THRB: variants seen among roughly 807,000 people sequenced by gnomAD.
THRB encodes thyroid hormone receptor beta.
In THRB, 12 loss-of-function variants were observed where a neutral mutation model predicts 47.8. That is an observed-to-expected ratio of 0.25 (90% CI 0.16 to 0.41). THRB has a LOEUF of 0.41. THRB is among the 10% of genes least tolerant of loss of function. The pLI, the probability that THRB is intolerant of heterozygous loss-of-function variation, is 1.00. For synonymous variants in THRB, 218 were observed against 212.2 expected (o/e 1.03, Z -0.24); for missense variants, 348 against 589.2 (o/e 0.59, Z 4.24).
chr3:24,480,700 A>G lies in THRB; in HGVS notation c.-261+13952T>C, dbSNP rs1696227445. 1.3e-5 allele frequency among the ~76,000 whole-genome samples: 2 copies of G among 152,242 alleles called. 1 individual carries two copies. The highest frequency in any genetic ancestry group is 4.8e-5 in the African/African-American group (2 of 41,462). On this transcript the variant is annotated intron_variant, in intron 1 of 10. Transcript: ENST00000646209. ...GGGATTTAAAACCACAAAAGAGCCA[A>G]AATGAAACAGTTATTTCAAAACACT...
rs115829219 is a variant in THRB at position 24,297,018 on chromosome 3, T to C, written c.-43+208A>G. 7.7e-3 allele frequency among the ~76,000 whole-genome samples: 1,177 copies of C among 152,304 alleles called. 12 individuals carry two copies. The highest frequency in any genetic ancestry group is 0.027 in the African/African-American group (1,119 of 41,554). On this transcript the variant is annotated intron_variant, in intron 3 of 10. Transcript: ENST00000646209. ...CCTAGTACTTCTAACCCCATTTAAC[T>C]CTACCCGTATAGTATGAGAAATCAC...
chr3:24,154,507 T>C (rs955429236), intron 5 of THRB, among the ~76,000 whole-genome samples: 2 of 152,170 alleles, frequency 1.3e-5, no homozygotes, highest in Non-Finnish European at 2.9e-5. Flanking sequence ...GGGAAGAACA[T>C]GAAAAGATGC....
chr3:24,349,552 T>C (rs1272034792), intron 1 of THRB, among the ~76,000 whole-genome samples: 2 of 152,074 alleles, frequency 1.3e-5, no homozygotes, highest in African/African-American at 4.8e-5. Context: ...GAAACACATA[T>C]ACCATCATTA....
intron 5 of THRB, chr3:24,165,469 A>G (rs2039521968): frequency 1.6e-6 from 1 of 618,880 alleles, no homozygotes; most frequent in Non-Finnish European, 2.9e-6. Context: ...ACATACATAC[A>G]CATGAAACGC....
chr3:24,408,565 A>G (rs923492649), intron 1 of THRB, among the ~76,000 whole-genome samples: 1 of 151,792 alleles, frequency 6.6e-6, no homozygotes, highest in African/African-American at 2.4e-5. Context: ...ATATTTGGAC[A>G]TTTGTTTCCT....
At chr3:24,332,906 A>C (rs2062015185) in intron 2 of THRB, among the ~76,000 whole-genome samples, 1 of 152,062 alleles carries the variant, frequency 6.6e-6, no homozygotes. Flanking sequence ...AATACAAAAA[A>C]TTAGCCATCT....
chr3:24,276,661 C>T (rs2053944808), intron 3 of THRB, among the ~76,000 whole-genome samples: 1 of 152,150 alleles, frequency 6.6e-6, no homozygotes, highest in Non-Finnish European at 1.5e-5. Flanking sequence ...GGACTAGGTC[C>T]TGAGGATGCA....
rs1345966070 is a variant in THRB at position 24,228,799 on chromosome 3, T to C, written c.22+139A>G. ...TGGAAGTACATTTCTAGGGAGGTAT[T>C]CACAGGATTTAATAACACTTATTGG... On this transcript the variant is annotated intron_variant, in intron 4 of 10. Coordinates refer to ENST00000646209, the MANE Select transcript of THRB (RefSeq NM_001354712.2). The C allele has an allele frequency of 3.9e-6, 3 of 775,166 alleles. No homozygotes were observed. The East Asian group carries it at 7.4e-5, about 19-fold the overall frequency. 48.0% of individuals were successfully genotyped at this position (775,166 alleles called of 1,614,324 possible).
At chr3:24,216,849 TC>T (rs1434464130) in intron 4 of THRB, among the ~76,000 whole-genome samples, 1 of 152,132 alleles carries the variant, frequency 6.6e-6, no homozygotes, top group African/African-American at 2.4e-5. Context: ...TGATTAAACT[TC>T]TCATGAATAT....
In THRB at chr3:24,139,096, C is replaced by T. The variant is rs532475229; in HGVS notation, c.738+4405G>A. ...TTGTTCTCTTCTCAGCCTGCTTCTGCTTTTCATCCTTACTGTCATCACACA... is the reference window on the plus strand; with the variant it reads ...TTGTTCTCTTCTCAGCCTGCTTCTGTTTTTCATCCTTACTGTCATCACACA... On this transcript the variant is annotated intron_variant, in intron 8 of 10. Transcript: ENST00000646209. Among the ~76,000 whole-genome samples, 75 of 152,192 alleles carry T rather than the reference C, an allele frequency of 4.9e-4. 1 individual carries two copies. Among genetic ancestry groups the T allele is most frequent in the Non-Finnish European group, 9.0e-4 (61 of 68,030 alleles).
At chr3:24,177,256 C>A (rs2041280812) in intron 5 of THRB, among the ~76,000 whole-genome samples, 1 of 152,130 alleles carries the variant, frequency 6.6e-6, no homozygotes, top group African/African-American at 2.4e-5. Flanking sequence ...TTACATTCTT[C>A]ATTATTCTTT....
chr3:24,207,900 C>T (rs1224414129), intron 4 of THRB, among the ~76,000 whole-genome samples: 1 of 152,174 alleles, frequency 6.6e-6, no homozygotes, highest in Non-Finnish European at 1.5e-5. Context: ...AAGAGGAAGT[C>T]AAATTGTCCC....
rs558214751 is a variant in THRB at position 24,309,856 on chromosome 3, T to C, written c.-188-12485A>G. Reference sequence around the variant, plus strand: ...AAACTTGTAAAATACGTAGGATGTATACCACTGATTAAATAAATTAAAAAA... The same window carrying C: ...AAACTTGTAAAATACGTAGGATGTACACCACTGATTAAATAAATTAAAAAA... On this transcript the variant is annotated intron_variant, in intron 2 of 10. Coordinates refer to ENST00000646209, the MANE Select transcript of THRB (RefSeq NM_001354712.2). Among the ~76,000 whole-genome samples the C allele has an allele frequency of 9.8e-5, 15 of 152,310 alleles. No homozygotes were observed. The South Asian group carries it at 2.3e-3, about 23-fold the overall frequency.
At position 24,415,553 on chromosome 3, in the gene THRB, A is replaced by G. The variant is rs148519847; in HGVS notation, c.-260-78182T>C. 2.8e-3 allele frequency among the ~76,000 whole-genome samples: 432 copies of G among 152,006 alleles called. 2 individuals are homozygous for G. Among genetic ancestry groups the G allele is most frequent in the African/African-American group, 9.8e-3 (408 of 41,548 alleles). On this transcript the variant is annotated intron_variant, in intron 1 of 10. Transcript: ENST00000646209. ...TTCAAAGGAAAAGGCATGGTTGTCA[A>G]CACCACAGAAGCTACTTTTGTTAAG...
At chr3:24,352,028 G>A (rs1201851166) in intron 1 of THRB, among the ~76,000 whole-genome samples, 1 of 152,128 alleles carries the variant, frequency 6.6e-6, no homozygotes, top group Non-Finnish European at 1.5e-5. Context: ...GCATCTATGT[G>A]TATCACTGTG....
At chr3:24,281,742 C>T (rs1289261242) in intron 3 of THRB, among the ~76,000 whole-genome samples, 2 of 139,224 alleles carry the variant, frequency 1.4e-5, no homozygotes, top group African/African-American at 5.3e-5. Flanking sequence ...GGAGGAAGAT[C>T]TACCAAGCAA....
chr3:24,428,738 A>G (rs1040073033), intron 1 of THRB, among the ~76,000 whole-genome samples: 3 of 152,026 alleles, frequency 2.0e-5, no homozygotes, highest in Admixed American at 6.6e-5. Flanking sequence ...GTGCAATGTT[A>G]GCATTAGACA....
intron 4 of THRB, among the ~76,000 whole-genome samples, chr3:24,220,401 G>T (rs1050353004): frequency 6.6e-6 from 1 of 152,130 alleles, no homozygotes; most frequent in Non-Finnish European, 1.5e-5. Context: ...TGAGATGGGG[G>T]AATCACACGA....
intron 1 of THRB, among the ~76,000 whole-genome samples, chr3:24,352,949 ATTTC>A (rs937963795): frequency 6.6e-6 from 1 of 152,090 alleles, no homozygotes; most frequent in Non-Finnish European, 1.5e-5. Flanking sequence ...GTAATACTAT[ATTTC>A]TTTATAAACT....
Sources: allele counts gnomAD v4.1 joint callset (sites outside exome capture counted in the v4.1 genomes callset), GRCh38; gene constraint gnomAD v4.1.1; transcripts MANE v1.5; gene names NCBI Gene and HGNC (gene_info 2026-07-23, HGNC 2026-07-21).